The following ATOSA variants were observed in gnomAD, a reference collection of about 807,000 sequenced individuals.
ATOSA encodes the protein atos homolog A.
At chr15:52,656,531 A>T in the ATOSA span, 1 of 152,142 alleles carries the variant, frequency 6.6e-6, no homozygotes, top group African/African-American at 2.4e-5. Flanking sequence ...TGGGACTCTC[A>T]TATTTCAAAA....
chr15:52,702,600 A>G, the ATOSA span, among the ~76,000 whole-genome samples: 1 of 152,068 alleles, frequency 6.6e-6, no homozygotes, highest in African/African-American at 2.4e-5. Context: ...GAAACTGGGA[A>G]CTACTGGGGG....
At chr15:52,595,842 GCTTACA>G in the ATOSA span, among the ~76,000 whole-genome samples, 1 of 152,168 alleles carries the variant, frequency 6.6e-6, no homozygotes, top group African/African-American at 2.4e-5. Context: ...AGGCGTGGTG[GCTTACA>G]CTTGTAATCC....
At chr15:52,602,719 A>C in the ATOSA span, among the ~76,000 whole-genome samples, 1 of 152,184 alleles carries the variant, frequency 6.6e-6, no homozygotes, top group African/African-American at 2.4e-5. Flanking sequence ...CCACCCGAGT[A>C]AATAGATGGA....
the ATOSA span, chr15:52,600,275 C>A: frequency 7.8e-7 from 1 of 1,288,258 alleles, no homozygotes; most frequent in Non-Finnish European, 1.1e-6. Context: ...ACATTAGCCA[C>A]AATACTTTTT....
chr15:52,676,140 T>A, the ATOSA span, among the ~76,000 whole-genome samples: 3 of 152,204 alleles, frequency 2.0e-5, no homozygotes, highest in Non-Finnish European at 4.4e-5. Flanking sequence ...GAACATTTTT[T>A]AAATGTCTCC....
At chr15:52,583,844 G>A in the ATOSA span, among the ~76,000 whole-genome samples, 1 of 152,066 alleles carries the variant, frequency 6.6e-6, no homozygotes, top group East Asian at 1.9e-4. Flanking sequence ...TACAGAACAG[G>A]CAGAAGACTG....
At chr15:52,614,439 T>C in the ATOSA span, among the ~76,000 whole-genome samples, 12 of 152,260 alleles carry the variant, frequency 7.9e-5, no homozygotes, top group African/African-American at 2.9e-4. Flanking sequence ...TGTGGTAGCT[T>C]ACTTTTCTAA....
chr15:52,622,019 G>T, the ATOSA span, among the ~76,000 whole-genome samples: 1 of 152,144 alleles, frequency 6.6e-6, no homozygotes, highest in Admixed American at 6.5e-5. Flanking sequence ...GCTAATTTTT[G>T]TATTTTTAGT....
At chr15:52,698,509 A>G in the ATOSA span, among the ~76,000 whole-genome samples, 15 of 152,226 alleles carry the variant, frequency 9.9e-5, no homozygotes, top group Non-Finnish European at 1.8e-4. Flanking sequence ...GCTCAAATAA[A>G]TTGTAATAGA....
chr15:52,663,949 T>C, the ATOSA span, among the ~76,000 whole-genome samples: 4 of 152,200 alleles, frequency 2.6e-5, no homozygotes, highest in Non-Finnish European at 4.4e-5. Flanking sequence ...GATATACGTA[T>C]CTACATAAAA....
chr15:52,614,241 G>A, the ATOSA span, among the ~76,000 whole-genome samples: 1 of 151,994 alleles, frequency 6.6e-6, no homozygotes, highest in Non-Finnish European at 1.5e-5. Flanking sequence ...AAGTAGCTGG[G>A]ATTACAGGCA....
the ATOSA span, chr15:52,678,959 C>T: frequency 2.6e-3 from 397 of 153,670 alleles, 1 homozygote; most frequent in Admixed American, 4.2e-3. Context: ...AATCCCGCCT[C>T]CTCTTGGCAC....
the ATOSA span, among the ~76,000 whole-genome samples, chr15:52,668,204 T>A: frequency 1.3e-5 from 2 of 152,160 alleles, no homozygotes; most frequent in South Asian, 2.1e-4. Context: ...CGCACACACA[T>A]AATGGAATAC....
the ATOSA span, among the ~76,000 whole-genome samples, chr15:52,689,197 A>G: frequency 2.6e-5 from 4 of 152,198 alleles, no homozygotes; most frequent in Non-Finnish European, 5.9e-5. Context: ...TCTGAGAGTA[A>G]TATACTTCAG....
chr15:52,589,986 C>T, the ATOSA span, among the ~76,000 whole-genome samples: 1 of 152,020 alleles, frequency 6.6e-6, no homozygotes, highest in African/African-American at 2.4e-5. Flanking sequence ...CGGGGTTTTA[C>T]CATGTTGGCC....
At chr15:52,659,868 AT>A in the ATOSA span, among the ~76,000 whole-genome samples, 1 of 152,130 alleles carries the variant, frequency 6.6e-6, no homozygotes, top group Non-Finnish European at 1.5e-5. Flanking sequence ...TATTAAAAAA[AT>A]AAAAAAGTAA....
chr15:52,670,756 C>A, the ATOSA span, among the ~76,000 whole-genome samples: 1 of 151,094 alleles, frequency 6.6e-6, no homozygotes, highest in Admixed American at 6.6e-5. Flanking sequence ...CACATCTATA[C>A]AAATAATCCT....
the ATOSA span, among the ~76,000 whole-genome samples, chr15:52,651,208 C>T: frequency 6.6e-6 from 1 of 152,080 alleles, no homozygotes; most frequent in Admixed American, 6.6e-5. Flanking sequence ...ATCCCTTATC[C>T]TTCAGTTTTC....
At chr15:52,673,890 G>C in the ATOSA span, among the ~76,000 whole-genome samples, 4 of 152,282 alleles carry the variant, frequency 2.6e-5, no homozygotes, top group African/African-American at 7.2e-5. Context: ...TAAGGCTAAT[G>C]TCTAAATTTG....
Sources: allele counts gnomAD v4.1 joint callset (sites outside exome capture counted in the v4.1 genomes callset), GRCh38; gene constraint gnomAD v4.1.1; transcripts MANE v1.5; gene names NCBI Gene and HGNC (gene_info 2026-07-23, HGNC 2026-07-21).